The following LPIN1 variants were observed in gnomAD, a reference collection of about 807,000 sequenced individuals.
LPIN1 encodes the protein phosphatidate phosphatase LPIN1.
LPIN1 carries 71 observed loss-of-function variants against 107.5 expected under a neutral mutation model. The ratio of observed to expected loss-of-function variants is 0.66; its 90% confidence interval spans 0.55 to 0.80. The LOEUF (loss-of-function observed/expected upper bound fraction) is 0.80. LPIN1 is among the 30% of genes least tolerant of loss of function. LPIN1 has a pLI of 0.00. For missense variants in LPIN1, 1,043 were observed against 1,160.6 expected (o/e 0.90, Z 1.47); for synonymous variants, 445 against 452.6 (o/e 0.98, Z 0.21).
At chr2:11,691,083 G>GTTTTTTTTTTTTTTTT (rs373579741) in intron 1 of LPIN1, among the ~76,000 whole-genome samples, 2 of 120,270 alleles carry the variant, frequency 1.7e-5, no homozygotes, top group South Asian at 2.3e-4. Context: ...ATCTTGTTGT[G>GTTTTTTTTTTTTTTTT]GTTTTTTTTT....
rs772350717 is a variant in LPIN1, at chr2:11,784,933, G to A, written c.1406G>A (p.Arg469Gln). 1 of 1,613,844 alleles carries A rather than the reference G, an allele frequency of 6.2e-7. No homozygotes were observed. The highest frequency in any genetic ancestry group is 8.5e-7 in the Non-Finnish European group (1 of 1,180,034). ...LAKHASDNGA[R>Q]SANQSPQSVG... The stretch of plus-strand genomic sequence containing the variant: ...AAACATGCAAGCGACAACGGAGCCC[G>A]GTCAGCCAACCAGTCCCCGCAGTCG... The change falls in exon 10 of 21, where the codon CGG becomes CAG. Residue 469 changes from arginine to glutamine, a missense_variant. By Grantham distance (43) the Arg-to-Gln change is conservative. Coordinates refer to ENST00000674199, the MANE Select transcript of LPIN1 (RefSeq NM_001349206.2).
intron 1 of LPIN1, chr2:11,741,086 A>G (rs1572500512): frequency 6.7e-6 from 2 of 299,544 alleles, no homozygotes; most frequent in East Asian, 1.1e-4. Context: ...GACAGGCTTG[A>G]CAAGGAGCAG....
intron 7 of LPIN1, among the ~76,000 whole-genome samples, chr2:11,780,618 C>A (rs1356395064): frequency 6.6e-6 from 1 of 152,138 alleles, no homozygotes; most frequent in African/African-American, 2.4e-5. Flanking sequence ...CTGAGGGTAG[C>A]GGAGAGAATG....
chr2:11,809,849 G>C (rs1360429975), intron 17 of LPIN1, among the ~76,000 whole-genome samples: 1 of 152,222 alleles, frequency 6.6e-6, no homozygotes, highest in African/African-American at 2.4e-5. Flanking sequence ...TGGAAGGTCT[G>C]ATCAGGAGTC....
chr2:11,814,988 C>T, intron 17 of LPIN1, 100 bp from the exon 18 acceptor site: 1 of 1,134,396 alleles, frequency 8.8e-7, no homozygotes, highest in Non-Finnish European at 1.3e-6. Context: ...GAACTTGAAA[C>T]AGTGCCATTC....
chr2:11,763,272 G>C (rs1449575065), intron 1 of LPIN1: 3 of 152,694 alleles, frequency 2.0e-5, no homozygotes, highest in African/African-American at 2.4e-5. Flanking sequence ...CCATGACCCA[G>C]TCCAGGGATA....
At chr2:11,808,068 A>G (rs1456815366) in intron 17 of LPIN1, among the ~76,000 whole-genome samples, 2 of 151,754 alleles carry the variant, frequency 1.3e-5, no homozygotes, top group Non-Finnish European at 2.9e-5. Context: ...TCGCTTCTCC[A>G]TATTTTTATA....
Position 11,697,040 on chromosome 2 carries a change from C to A in LPIN1, c.82-16716C>A, listed in dbSNP as rs945547181. ...GCTCCTGCCCAGCCTCTGGGTCCCC[C>A]ACCTGTGGCCCAGGGAAGGCTCTTT... On this transcript the variant is annotated intron_variant, in intron 1 of 21. Transcript: ENST00000449576. This position sits in a 1 kb window ranked among gnomAD's most constrained non-coding sequence, Gnocchi z 4.6. Among the ~76,000 whole-genome samples the A allele has an allele frequency of 6.6e-6, 1 of 152,266 alleles. No individual in the cohort carries two copies. Among genetic ancestry groups the A allele is most frequent in the African/African-American group, 2.4e-5 (1 of 41,474 alleles).
In LPIN1 at chr2:11,771,814, C is replaced by A. The variant is rs539342346; in HGVS notation, c.596+135C>A. 1,600 of 881,916 alleles carry A rather than the reference C, an allele frequency of 1.8e-3. 4 individuals are homozygous for A. Among genetic ancestry groups the A allele is most frequent in the Middle Eastern group, 4.3e-3 (12 of 2,804 alleles). 54.6% of individuals were successfully genotyped at this position (881,916 alleles called of 1,614,324 possible). A position where few individuals can be genotyped will look rare whatever the true frequency, so the allele number is the denominator to read the frequency against. On this transcript the variant is annotated intron_variant, in intron 4 of 20. Transcript: ENST00000674199. This position sits in a 1 kb window ranked among gnomAD's most constrained non-coding sequence, Gnocchi z 4.8. ...GACCAGTGGTCCCCAACCTTTTTGG[C>A]ACTAGGGACCAGTTTTGTGGAAGAC...
intron 12 of LPIN1, among the ~76,000 whole-genome samples, chr2:11,790,978 C>CT (rs201487483): frequency 2.6e-5 from 4 of 151,642 alleles, no homozygotes; most frequent in African/African-American, 7.3e-5. Context: ...GGCCTGCTTT[C>CT]TTTTTTTAAA....
chr2:11,689,035 A>G (rs1372326479), intron 1 of LPIN1, among the ~76,000 whole-genome samples: 1 of 152,236 alleles, frequency 6.6e-6, no homozygotes, highest in East Asian at 1.9e-4. Flanking sequence ...CGACTTGTAT[A>G]ATGGTATTTT....
At position 11,825,840 on chromosome 2, in the gene LPIN1, C is replaced by A. The variant is rs917892216; in HGVS notation, c.*1049C>A. The A allele has an allele frequency of 9.9e-5, 15 of 152,172 alleles. No individual in the cohort carries two copies. Among genetic ancestry groups the A allele is most frequent in the African/African-American group, 3.6e-4 (15 of 41,434 alleles). The allele number at this position is 152,172 out of a possible 1,614,324, so 9.4% of individuals were successfully genotyped here. A position where few individuals can be genotyped will look rare whatever the true frequency, so the allele number is the denominator to read the frequency against. Reference sequence around the variant, plus strand: ...ACTGTGATAGGCATTTATTCATATTCTTTCTATACCACTGTCATTAATATA... The same window carrying A: ...ACTGTGATAGGCATTTATTCATATTATTTCTATACCACTGTCATTAATATA... On this transcript the variant is annotated 3_prime_UTR_variant, in exon 21 of 21. Transcript: ENST00000674199. This position sits in a 1 kb window ranked among gnomAD's most constrained non-coding sequence, Gnocchi z 4.1.
At chr2:11,732,901 C>CTGTG (rs1352703327) in intron 1 of LPIN1, among the ~76,000 whole-genome samples, 2 of 146,158 alleles carry the variant, frequency 1.4e-5, no homozygotes, top group African/African-American at 5.5e-5. Context: ...CTTTCTCTCT[C>CTGTG]TCTCTCTCTC....
intron 16 of LPIN1, among the ~76,000 whole-genome samples, 164 bp from the exon 17 acceptor site, chr2:11,804,906 C>T (rs1366289421): frequency 6.6e-6 from 1 of 151,978 alleles, no homozygotes; most frequent in African/African-American, 2.4e-5. Context: ...GATTACCTGT[C>T]CCTCCGTCAG....
intron 1 of LPIN1, among the ~76,000 whole-genome samples, chr2:11,699,599 A>T (rs1662762316): frequency 6.6e-6 from 1 of 152,090 alleles, no homozygotes; most frequent in Admixed American, 6.5e-5. Context: ...GTCGCCGAGG[A>T]AGCATGAAGA....
intron 13 of LPIN1, among the ~76,000 whole-genome samples, chr2:11,794,784 C>T (rs1005786567): frequency 6.6e-6 from 1 of 152,138 alleles, no homozygotes; most frequent in Non-Finnish European, 1.5e-5. Flanking sequence ...TCCTTTAATC[C>T]CCATGGCAGC....
intron 8 of LPIN1, among the ~76,000 whole-genome samples, chr2:11,783,250 C>A (rs1673873260): frequency 6.6e-6 from 1 of 152,184 alleles, no homozygotes; most frequent in Non-Finnish European, 1.5e-5. Flanking sequence ...GATGCTTTGC[C>A]TCGGGGTATT....
chr2:11,751,145 G>C (rs572424435), intron 1 of LPIN1, among the ~76,000 whole-genome samples: 2 of 152,306 alleles, frequency 1.3e-5, no homozygotes, highest in African/African-American at 2.4e-5. Context: ...GCAGGAACGT[G>C]AGAACAAGCG....
chr2:11,712,661 A>G (rs1183245740), intron 1 of LPIN1, among the ~76,000 whole-genome samples: 1 of 152,204 alleles, frequency 6.6e-6, no homozygotes, highest in Non-Finnish European at 1.5e-5. Flanking sequence ...GGTGGGGTGC[A>G]GGGCCAAGGA....
Sources: allele counts gnomAD v4.1 joint callset (sites outside exome capture counted in the v4.1 genomes callset), GRCh38; gene constraint gnomAD v4.1.1; non-coding constraint Gnocchi (gnomAD v3.1); transcripts MANE v1.5; gene names NCBI Gene and HGNC (gene_info 2026-07-23, HGNC 2026-07-21).